NPSR1: variants seen among roughly 807,000 people sequenced by gnomAD.
NPSR1 encodes neuropeptide S receptor.
In NPSR1, 48 loss-of-function variants were observed where a neutral mutation model predicts 46.9. The observed-to-expected ratio is 1.02, with a 90% CI of 0.81 to 1.30. The LOEUF is 1.30. Ranked by LOEUF, NPSR1 falls within the 50% of genes most tolerant of loss-of-function variation. NPSR1 has a pLI of 0.00. For synonymous variants in NPSR1, 176 were observed against 168.1 expected, an observed-to-expected ratio of 1.05 and a Z score of -0.36; for missense variants, 450 against 449.5, an observed-to-expected ratio of 1.00 and a Z score of -0.01.
chr7:34,769,428 C>T (rs1194190777), intron 2 of NPSR1, among the ~76,000 whole-genome samples: 1 of 152,132 alleles, frequency 6.6e-6, no homozygotes, highest in East Asian at 1.9e-4. Context: ...CATTCAACAA[C>T]TCTCACAGTA....
At chr7:34,713,489 C>T (rs1273706898) in intron 2 of NPSR1, among the ~76,000 whole-genome samples, 1 of 151,788 alleles carries the variant, frequency 6.6e-6, no homozygotes, top group African/African-American at 2.4e-5. Context: ...TAATATTATG[C>T]ATATTTTAAA....
intron 2 of NPSR1, chr7:34,753,644 T>G (rs535832591): frequency 2.0e-5 from 3 of 152,244 alleles, no homozygotes; most frequent in Admixed American, 2.0e-4. Flanking sequence ...AAAATTCCCA[T>G]GCTGATCAGC....
intron 2 of NPSR1, among the ~76,000 whole-genome samples, chr7:34,694,794 A>G (rs192900176): frequency 6.6e-6 from 1 of 152,222 alleles, no homozygotes; most frequent in African/African-American, 2.4e-5. Flanking sequence ...ACTGCAACCT[A>G]CACCTCCTGG....
At chr7:34,682,310 G>C (rs1792684092) in intron 1 of NPSR1, among the ~76,000 whole-genome samples, 1 of 152,182 alleles carries the variant, frequency 6.6e-6, no homozygotes, top group African/African-American at 2.4e-5. Flanking sequence ...ATGGCCTTCT[G>C]TCATACCTTA....
chr7:34,696,936 A>C (rs1346499547), intron 2 of NPSR1, among the ~76,000 whole-genome samples: 1 of 152,044 alleles, frequency 6.6e-6, no homozygotes, highest in Non-Finnish European at 1.5e-5. Flanking sequence ...TTTGAAATGA[A>C]AATATTTATG....
intron 2 of NPSR1, among the ~76,000 whole-genome samples, chr7:34,700,592 G>A (rs1793777875): frequency 1.3e-5 from 2 of 152,086 alleles, no homozygotes; most frequent in African/African-American, 4.8e-5. Flanking sequence ...CTTCAAGAAT[G>A]GCTATTCCCC....
intron 1 of NPSR1, among the ~76,000 whole-genome samples, chr7:34,678,684 G>A (rs1792454617): frequency 6.6e-6 from 1 of 151,876 alleles, no homozygotes; most frequent in African/African-American, 2.4e-5. Flanking sequence ...AAATTAGCTG[G>A]GCATGGTGGT....
chr7:34,743,130 C>T (rs148942578), intron 2 of NPSR1, among the ~76,000 whole-genome samples: 1,794 of 152,128 alleles, frequency 0.012, 24 homozygotes, highest in Non-Finnish European at 0.016. Context: ...GTTTCTTTTG[C>T]GTGCAGAAAC....
intron 8 of NPSR1, among the ~76,000 whole-genome samples, chr7:34,855,449 A>G (rs1791029331): frequency 6.6e-6 from 1 of 152,142 alleles, no homozygotes; most frequent in Non-Finnish European, 1.5e-5. Context: ...AAAGATAATA[A>G]AAGGATATTA....
chr7:34,788,405 G>T (rs1207013619), intron 3 of NPSR1, among the ~76,000 whole-genome samples: 1 of 151,744 alleles, frequency 6.6e-6, no homozygotes, highest in Non-Finnish European at 1.5e-5. Flanking sequence ...ATATATGATA[G>T]CCAGAATATA....
chr7:34,866,379 T>C (rs548569976), intron 8 of NPSR1, among the ~76,000 whole-genome samples: 2 of 151,882 alleles, frequency 1.3e-5, no homozygotes, highest in Non-Finnish European at 2.9e-5. Flanking sequence ...AAGGGCACAG[T>C]TGTAGACAGA....
chr7:34,750,829 C>G (rs1234375182), intron 2 of NPSR1: 1 of 693,026 alleles, frequency 1.4e-6, no homozygotes, highest in African/African-American at 1.8e-5. Flanking sequence ...GCTGACACAG[C>G]TTTTCCACCA....
chr7:34,735,710 C>T (rs781698971), intron 2 of NPSR1, among the ~76,000 whole-genome samples: 5 of 152,112 alleles, frequency 3.3e-5, no homozygotes, highest in Admixed American at 6.5e-5. Flanking sequence ...TGATACTCTC[C>T]CCTGAGGAAG....
chr7:34,677,805 T>G (rs1474204574), intron 1 of NPSR1, among the ~76,000 whole-genome samples: 1 of 152,220 alleles, frequency 6.6e-6, no homozygotes, highest in Non-Finnish European at 1.5e-5. Flanking sequence ...GTGGGAGGTT[T>G]ACTGAATGCT....
At chr7:34,809,328 G>A (rs1788867423) in intron 3 of NPSR1, among the ~76,000 whole-genome samples, 1 of 151,732 alleles carries the variant, frequency 6.6e-6, no homozygotes, top group Non-Finnish European at 1.5e-5. Context: ...GTTTTCAGAG[G>A]AGCCTTCAAT....
At position 34,802,114 on chromosome 7, in the gene NPSR1, C is replaced by T. The variant is rs540253175; in HGVS notation, c.385-9656C>T. Among the ~76,000 whole-genome samples the T allele has an allele frequency of 9.4e-4, 141 of 150,278 alleles. 16 individuals are homozygous for T. Among genetic ancestry groups the T allele is most frequent in the African/African-American group, 3.5e-3 (139 of 39,638 alleles). ...TTCCATGCTCATGGGTAGGAAGAAT[C>T]AATATCGTGAAAATGCCCATACTGC... On this transcript the variant is annotated intron_variant, in intron 3 of 8. Coordinates refer to ENST00000360581, the MANE Select transcript of NPSR1 (RefSeq NM_207172.2).
intron 2 of NPSR1, chr7:34,703,877 A>C (rs936611152): frequency 6.9e-6 from 1 of 144,664 alleles, no homozygotes; most frequent in African/African-American, 2.7e-5. Flanking sequence ...GGAACTAATA[A>C]GAGTAACTCC....
intron 2 of NPSR1, among the ~76,000 whole-genome samples, chr7:34,698,699 A>AC (rs1299336425): frequency 6.6e-6 from 1 of 152,170 alleles, no homozygotes; most frequent in Non-Finnish European, 1.5e-5. Flanking sequence ...ATTAATCTTT[A>AC]CTGGTGGATT....
chr7:34,751,554 C>T lies in NPSR1; in HGVS notation c.281-26908C>T. On this transcript the variant is annotated intron_variant, in intron 2 of 8. Coordinates refer to ENST00000360581, the MANE Select transcript of NPSR1 (RefSeq NM_207172.2). ...TGGTCTCGAAACTTGTATTCTTCTC[C>T]TTGGGATCTTTGGTCTTGTGCTCCT... is the stretch of plus-strand genomic sequence containing the variant. 3.8e-6 allele frequency: 6 copies of T among 1,591,052 alleles called. No individual in the cohort carries two copies. In the Admixed American group the frequency reaches 1.0e-4, roughly 27 times the overall value.
Sources: allele counts gnomAD v4.1 joint callset (sites outside exome capture counted in the v4.1 genomes callset), GRCh38; gene constraint gnomAD v4.1.1; transcripts MANE v1.5; gene names NCBI Gene and HGNC (gene_info 2026-07-23, HGNC 2026-07-21).